RABGAP1L: variants seen among roughly 807,000 people sequenced by gnomAD.
RABGAP1L encodes the protein rab GTPase-activating protein 1-like.
Under a neutral mutation model 137.7 loss-of-function variants are expected in RABGAP1L, and 63 were observed. The ratio of observed to expected loss-of-function variants is 0.46; its 90% CI spans 0.37 to 0.56. The LOEUF is 0.56. Among genes scored for constraint, RABGAP1L ranks in the 20% least tolerant of loss-of-function variants. The probability of loss-of-function intolerance (pLI) is 0.00; values close to 1 mark genes in which losing one functional copy is unlikely to be tolerated. For missense variants in RABGAP1L, 1,095 were observed against 1,244.0 expected, an observed-to-expected ratio of 0.88 and a Z score of 1.80; for synonymous variants, 431 against 433.7, an observed-to-expected ratio of 0.99 and a Z score of 0.08.
intron 18 of RABGAP1L, among the ~76,000 whole-genome samples, chr1:174,774,409 A>G (rs1254501251): frequency 6.6e-6 from 1 of 152,144 alleles, no homozygotes; most frequent in East Asian, 1.9e-4. Flanking sequence ...TGGGCAACAT[A>G]GTGAGATCTT....
At chr1:174,351,023 G>C (rs1383120365) in intron 11 of RABGAP1L, among the ~76,000 whole-genome samples, 31 of 125,698 alleles carry the variant, frequency 2.5e-4, no homozygotes, top group Non-Finnish European at 4.2e-4. Context: ...GAGCCGAGAT[G>C]GCAGCAGTAC....
intron 15 of RABGAP1L, among the ~76,000 whole-genome samples, chr1:174,695,784 C>T (rs1679207228): frequency 6.6e-6 from 1 of 152,192 alleles, no homozygotes; most frequent in African/African-American, 2.4e-5. Flanking sequence ...GTGTTGTGAT[C>T]TAAGTCTTTA....
intron 18 of RABGAP1L, among the ~76,000 whole-genome samples, chr1:174,787,527 A>G (rs1487740426): frequency 6.6e-6 from 1 of 152,196 alleles, no homozygotes; most frequent in African/African-American, 2.4e-5. Flanking sequence ...CATAATTTTT[A>G]AAAAGCATAT....
intron 18 of RABGAP1L, among the ~76,000 whole-genome samples, chr1:174,799,206 C>T (rs1250289568): frequency 6.6e-6 from 1 of 152,156 alleles, no homozygotes; most frequent in African/African-American, 2.4e-5. Flanking sequence ...CAAAAATCTT[C>T]CTTTTAATCA....
intron 13 of RABGAP1L, among the ~76,000 whole-genome samples, chr1:174,508,876 A>G (rs1396217557): frequency 6.6e-6 from 1 of 152,184 alleles, no homozygotes; most frequent in African/African-American, 2.4e-5. Flanking sequence ...CTGTATAATA[A>G]GCAAGTCCTG....
At chr1:174,749,377 C>T (rs1170892322) in intron 17 of RABGAP1L, among the ~76,000 whole-genome samples, 1 of 151,430 alleles carries the variant, frequency 6.6e-6, no homozygotes, top group Non-Finnish European at 1.5e-5. Flanking sequence ...GTCATCTAGG[C>T]TGGAGTGCAA....
At chr1:174,572,068 A>T (rs982933516) in intron 13 of RABGAP1L, among the ~76,000 whole-genome samples, 1 of 152,234 alleles carries the variant, frequency 6.6e-6, no homozygotes, top group Admixed American at 6.5e-5. Flanking sequence ...ACATTTTCAA[A>T]AACATTCCCT....
At chr1:174,547,743 G>A in intron 13 of RABGAP1L, 7 of 1,068,062 alleles carry the variant, frequency 6.6e-6, no homozygotes, top group Non-Finnish European at 6.7e-6. Flanking sequence ...TGGATATGGA[G>A]TCATTGTATT....
chr1:174,671,948 T>C (rs897757735), intron 14 of RABGAP1L, among the ~76,000 whole-genome samples: 37 of 152,148 alleles, frequency 2.4e-4, no homozygotes, highest in Admixed American at 9.8e-4. Context: ...TTTAACTATC[T>C]GGCTTTTTGT....
At chr1:174,475,561 G>A (rs1319886833) in intron 13 of RABGAP1L, among the ~76,000 whole-genome samples, 1 of 151,948 alleles carries the variant, frequency 6.6e-6, no homozygotes, top group African/African-American at 2.4e-5. Context: ...ACTTTTGTAG[G>A]TAAATAGGTT....
intron 11 of RABGAP1L, among the ~76,000 whole-genome samples, chr1:174,349,950 G>A (rs1418174215): frequency 1.3e-4 from 18 of 135,638 alleles, no homozygotes; most frequent in Non-Finnish European, 2.5e-4. Context: ...GCGGCTGGCC[G>A]GGTGGGGGGG....
intron 13 of RABGAP1L, among the ~76,000 whole-genome samples, chr1:174,484,986 A>G (rs923913237): frequency 5.3e-5 from 8 of 152,208 alleles, no homozygotes; most frequent in Admixed American, 6.5e-5. Flanking sequence ...ATACACGGAC[A>G]TGAAATATCT....
intron 11 of RABGAP1L, among the ~76,000 whole-genome samples, chr1:174,328,105 G>A (rs1476196656): frequency 6.7e-6 from 1 of 149,074 alleles, no homozygotes; most frequent in African/African-American, 2.5e-5. Context: ...TAATAGTAGG[G>A]AATTTCACCT....
intron 13 of RABGAP1L, among the ~76,000 whole-genome samples, chr1:174,542,379 G>A (rs1302579793): frequency 5.0e-4 from 76 of 152,242 alleles, no homozygotes; most frequent in Middle Eastern, 3.4e-3. Flanking sequence ...GTTTATTTGC[G>A]TAAAAGTGTT....
rs11318724 is a variant in RABGAP1L at position 174,775,314 on chromosome 1, CTT to C, written c.2211+22975_2211+22976del. 7.7e-3 allele frequency among the ~76,000 whole-genome samples: 1,062 copies of C among 137,188 alleles called. 13 individuals are homozygous for C. The highest frequency in any genetic ancestry group is 0.02 in the African/African-American group (759 of 38,376). The allele number at this position is 137,188 out of a possible 152,430, so 90.0% of individuals were successfully genotyped here. A position where few individuals can be genotyped will look rare whatever the true frequency, so the allele number is the denominator to read the frequency against. ...TTATATTTATGGAACCAGGAGAAAA[CTT>C]TTTTTTTTTTTTTTGAGACTGAGTT... is the stretch of plus-strand genomic sequence containing the variant. On this transcript the variant is annotated intron_variant, in intron 18 of 25. Transcript: ENST00000681986.
chr1:174,714,037 T>A (rs1353723702), intron 17 of RABGAP1L, among the ~76,000 whole-genome samples: 1 of 152,214 alleles, frequency 6.6e-6, no homozygotes, highest in Non-Finnish European at 1.5e-5. Flanking sequence ...CTGCAGTTAT[T>A]CCCTTCCTTC....
At position 174,957,474 on chromosome 1, in the gene RABGAP1L, G is replaced by A. The variant is rs1668657681; in HGVS notation, c.2358G>A (p.Leu786=). 2 of 1,613,484 alleles carry A rather than the reference G, an allele frequency of 1.2e-6. No homozygotes were observed. Among genetic ancestry groups the A allele is most frequent in the African/African-American group, 1.3e-5 (1 of 75,018 alleles). The part of the protein sequence containing the change: ...ACNIKVPTKK[L]KKYEKEYQTM... ...CCCTGCAGGTACCAACCAAGAAGCTGAAGAAATATGAGAAAGAATATCAGA... is the reference window on the plus strand; with the variant it reads ...CCCTGCAGGTACCAACCAAGAAGCTAAAGAAATATGAGAAAGAATATCAGA... Residue 786 remains leucine (L), a synonymous_variant, in exon 20 of 26, where the codon CTG becomes CTA. Transcript: ENST00000681986.
chr1:174,500,313 C>G (rs1287021658), intron 13 of RABGAP1L, among the ~76,000 whole-genome samples: 5 of 152,110 alleles, frequency 3.3e-5, no homozygotes, highest in Non-Finnish European at 7.4e-5. Flanking sequence ...CTTCTGACCT[C>G]AGGTAATCCA....
chr1:174,609,169 T>A (rs563102986), intron 13 of RABGAP1L, among the ~76,000 whole-genome samples: 23 of 152,254 alleles, frequency 1.5e-4, no homozygotes, highest in African/African-American at 5.1e-4. Context: ...GAGTTTTTAT[T>A]TGTAGAACTG....
Sources: gnomAD v4.1 joint callset for allele counts (sites outside exome capture counted in the v4.1 genomes callset) on GRCh38, gnomAD v4.1.1 for gene constraint, MANE v1.5 for transcripts, NCBI Gene and HGNC (gene_info 2026-07-23, HGNC 2026-07-21) for gene names.